NCOA1: variants seen among roughly 807,000 people sequenced by gnomAD.
NCOA1 encodes Hin-2 protein.
In NCOA1, 35 loss-of-function variants were observed where a neutral mutation model predicts 150.9. The observed-to-expected ratio is 0.23, with a 90% CI of 0.18 to 0.31. NCOA1 has a LOEUF of 0.31. Ranked by LOEUF, NCOA1 falls within the 10% of genes least tolerant of loss-of-function variation. The probability of loss-of-function intolerance (pLI) is 1.00; values close to 1 mark genes in which losing one functional copy is unlikely to be tolerated. For synonymous variants in NCOA1, 590 were observed against 630.0 expected, an observed-to-expected ratio of 0.94 and a Z score of 0.95; for missense variants, 1,491 against 1,749.3, an observed-to-expected ratio of 0.85 and a Z score of 2.63.
intron 9 of NCOA1, among the ~76,000 whole-genome samples, chr2:24,692,850 C>T (rs1168820940): frequency 6.6e-6 from 1 of 152,142 alleles, no homozygotes; most frequent in Non-Finnish European, 1.5e-5. Context: ...ATGTCAGGTG[C>T]TGTAACACGT....
chr2:24,731,508 T>C (rs1217052505), intron 17 of NCOA1, among the ~76,000 whole-genome samples: 1 of 152,052 alleles, frequency 6.6e-6, no homozygotes, highest in Admixed American at 6.5e-5. Flanking sequence ...ATATGTAATA[T>C]AAAATGTGCT....
At position 24,728,294 on chromosome 2, in the gene NCOA1, T is replaced by C; in HGVS notation, c.2718-14T>C. ...TATGTCAGTCTGAAACTTTCTTGTT[T>C]TTTAATCCTGCAGCCAGTGTATTAG... is the stretch of plus-strand genomic sequence containing the variant. On this transcript the variant is annotated splice_polypyrimidine_tract_variant and intron_variant, in intron 15 of 22. Transcript: ENST00000348332. The C allele has an allele frequency of 6.3e-7, 1 of 1,590,874 alleles. No homozygotes were observed. The highest frequency in any genetic ancestry group is 1.1e-5 in the South Asian group (1 of 86,992).
chr2:24,629,813 CATACATATATATAT>C lies in NCOA1; in HGVS notation c.-174-14149_-174-14136del, dbSNP rs1412033966. Reference sequence around the variant, plus strand: ...GCCAGACACTGTTTTAAGTAACATACATACATATATATATATATATATATATATATATATGTATT... The same window carrying C: ...GCCAGACACTGTTTTAAGTAACATACATATATATATATATATATATGTATT... On this transcript the variant is annotated intron_variant, in intron 3 of 22. Transcript: ENST00000348332. Among the ~76,000 whole-genome samples, 20 of 77,340 alleles carry C rather than the reference CATACATATATATAT, an allele frequency of 2.6e-4. No homozygotes were observed. The East Asian group carries it at 3.1e-3, about 12-fold the overall frequency. The allele number at this position is 77,340 out of a possible 152,430, so 50.7% of individuals were successfully genotyped here.
At chr2:24,749,046 A>G (rs1468364014) in intron 19 of NCOA1, among the ~76,000 whole-genome samples, 1 of 152,266 alleles carries the variant, frequency 6.6e-6, no homozygotes, top group Non-Finnish European at 1.5e-5. Context: ...GAAAGAAAGA[A>G]CACAGTGCTA....
At chr2:24,604,951 TA>T (rs1668293732) in intron 3 of NCOA1, among the ~76,000 whole-genome samples, 1 of 152,220 alleles carries the variant, frequency 6.6e-6, no homozygotes, top group African/African-American at 2.4e-5. Flanking sequence ...CTTGAACAGT[TA>T]AAGGCTATTG....
chr2:24,716,003 G>C (rs554070232), intron 14 of NCOA1, among the ~76,000 whole-genome samples: 3 of 152,128 alleles, frequency 2.0e-5, no homozygotes, highest in Admixed American at 1.3e-4. Context: ...AATTAGCCGG[G>C]CGTGGTGGCA....
chr2:24,523,297 G>T (rs894659323), intron 1 of NCOA1, among the ~76,000 whole-genome samples: 1 of 152,116 alleles, frequency 6.6e-6, no homozygotes, highest in Non-Finnish European at 1.5e-5. Context: ...CATACATCAT[G>T]GGTACCATTG....
At chr2:24,560,163 C>G (rs543609865) in intron 1 of NCOA1, among the ~76,000 whole-genome samples, 2 of 152,186 alleles carry the variant, frequency 1.3e-5, no homozygotes, top group African/African-American at 4.8e-5. Flanking sequence ...GTCTGGGGTC[C>G]CCAGCTATTC....
At position 24,710,125 on chromosome 2, in the gene NCOA1, G is replaced by A. The variant is rs989390179; in HGVS notation, c.2419-806G>A. Among the ~76,000 whole-genome samples, 102 of 151,494 alleles carry A rather than the reference G, an allele frequency of 6.7e-4. 1 individual carries two copies. Among genetic ancestry groups the A allele is most frequent in the Middle Eastern group, 3.4e-3 (1 of 292 alleles). On this transcript the variant is annotated intron_variant, in intron 13 of 22. Transcript: ENST00000348332. ...TATTTATTTTTGAGATGGGAGTCTC[G>A]CTCTGTAGCCCAGGCTGGAGTGCAG...
At chr2:24,591,515 A>T (rs891242074) in intron 3 of NCOA1, among the ~76,000 whole-genome samples, 2 of 152,168 alleles carry the variant, frequency 1.3e-5, no homozygotes, top group Non-Finnish European at 2.9e-5. Flanking sequence ...GTTAGCTTCC[A>T]TTATTACTAT....
Position 24,742,123 on chromosome 2 carries a change from G to A in NCOA1, c.3643G>A (p.Gly1215Arg). ...CAGAGGCATGACAGGAAACATAGGA[G>A]GACAGTTTGGCACTGGAATCAATCC... Reference protein sequence around the residue: ...VSRGMTGNIGGQFGTGINPQM... With the variant: ...VSRGMTGNIGRQFGTGINPQM... The change falls in exon 19 of 23, where the codon GGA becomes AGA. Residue 1215 changes from glycine to arginine, a missense_variant. Transcript: ENST00000348332. 1.9e-6 allele frequency: 3 copies of A among 1,614,112 alleles called. No homozygotes were observed. The highest frequency in any genetic ancestry group is 2.5e-6 in the Non-Finnish European group (3 of 1,179,988).
chr2:24,766,073 T>C (rs1665049624), intron 22 of NCOA1, among the ~76,000 whole-genome samples: 1 of 151,962 alleles, frequency 6.6e-6, no homozygotes, highest in African/African-American at 2.4e-5. Flanking sequence ...GCTAATTTTT[T>C]TATTTTTTGT....
At chr2:24,678,756 G>GT (rs1672032457) in intron 7 of NCOA1, among the ~76,000 whole-genome samples, 1 of 152,088 alleles carries the variant, frequency 6.6e-6, no homozygotes, top group Admixed American at 6.6e-5. Context: ...TTGTAAATTT[G>GT]TTTAAGTTCC....
chr2:24,578,819 AG>A (rs1456087261), intron 2 of NCOA1, among the ~76,000 whole-genome samples: 3 of 152,200 alleles, frequency 2.0e-5, no homozygotes, highest in Non-Finnish European at 4.4e-5. Context: ...GCTATATTAG[AG>A]CTGCATTCAC....
chr2:24,744,678 T>C (rs1464325721), intron 19 of NCOA1, among the ~76,000 whole-genome samples: 1 of 152,208 alleles, frequency 6.6e-6, no homozygotes, highest in Non-Finnish European at 1.5e-5. Flanking sequence ...AAATCGGCCA[T>C]ACAAAAGTAC....
At chr2:24,493,060 T>A (rs1663050394) in intron 1 of NCOA1, among the ~76,000 whole-genome samples, 2 of 152,174 alleles carry the variant, frequency 1.3e-5, no homozygotes, top group African/African-American at 4.8e-5. Flanking sequence ...TTTCTTCATG[T>A]TGAGAATAAT....
At chr2:24,602,315 C>G (rs1668158633) in intron 3 of NCOA1, among the ~76,000 whole-genome samples, 1 of 152,166 alleles carries the variant, frequency 6.6e-6, no homozygotes, top group Non-Finnish European at 1.5e-5. Flanking sequence ...GTTCTCCCAC[C>G]TCAGCCTCCC....
chr2:24,749,385 C>G (rs990330787), intron 19 of NCOA1, among the ~76,000 whole-genome samples: 2 of 152,200 alleles, frequency 1.3e-5, no homozygotes, highest in Admixed American at 6.5e-5. Flanking sequence ...TGCAGAGGGT[C>G]CCATTCAAGT....
chr2:24,635,375 C>T (rs1389076682), intron 3 of NCOA1, among the ~76,000 whole-genome samples: 1 of 151,926 alleles, frequency 6.6e-6, no homozygotes, highest in Non-Finnish European at 1.5e-5. Flanking sequence ...GCCATGAGTT[C>T]GTCAGCATGA....
Sources: gnomAD v4.1 joint callset for allele counts (sites outside exome capture counted in the v4.1 genomes callset) on GRCh38, gnomAD v4.1.1 for gene constraint, MANE v1.5 for transcripts, NCBI Gene and HGNC (gene_info 2026-07-23, HGNC 2026-07-21) for gene names.